The following LAS1L variants were observed in gnomAD, a reference collection of about 807,000 sequenced individuals.
LAS1L encodes ribosomal biogenesis protein LAS1L.
In LAS1L, 5 loss-of-function variants were observed where a neutral mutation model predicts 57.3. That is an observed-to-expected ratio of 0.09 (90% CI 0.05 to 0.18). LAS1L has a LOEUF of 0.18. Among genes scored for constraint, LAS1L ranks in the 10% least tolerant of loss-of-function variants. The probability of loss-of-function intolerance (pLI) is 1.00; values close to 1 mark genes in which losing one functional copy is unlikely to be tolerated. For synonymous variants in LAS1L, 245 were observed against 231.7 expected (o/e 1.06, Z -0.52); for missense variants, 360 against 568.3 (o/e 0.63, Z 3.73).
At chrX:65,529,528 C>A in intron 5 of LAS1L, 66 bp downstream of exon 5, 1 of 1,071,753 alleles carries the variant, frequency 9.3e-7, no homozygotes, top group Non-Finnish European at 1.3e-6. Flanking sequence ...GGGAAATAAA[C>A]AGCGTTAACC....
chrX:65,512,617 AAAAAC>A lies in LAS1L; in HGVS notation c.*153_*157del. 1.6e-6 allele frequency: 1 copy of A among 642,935 alleles called. No homozygotes were observed. The highest frequency in any genetic ancestry group is 2.3e-6 in the Non-Finnish European group (1 of 439,055). The allele number at this position is 642,935 out of a possible 1,213,427, so 53.0% of individuals were successfully genotyped here. On this transcript the variant is annotated 3_prime_UTR_variant, in exon 14 of 14. Transcript: ENST00000374811. ...TGTTTATTATTTTTCAAAACAAAAC[AAAAAC>A]AAAAGACATTCAAAATTCCCCTGTG...
chrX:65,526,585 G>A (rs990236601), intron 7 of LAS1L, among the ~76,000 whole-genome samples: 1 of 111,711 alleles, frequency 9.0e-6, no homozygotes, highest in Non-Finnish European at 1.9e-5. Flanking sequence ...GGGTTACTCT[G>A]CTACCTACAC....
In LAS1L at chrX:65,534,731, A is replaced by T. The variant is rs1265847250; in HGVS notation, c.-16T>A. The T allele has an allele frequency of 8.9e-7, 1 of 1,125,986 alleles. No homozygotes were observed. The highest frequency in any genetic ancestry group is 2.4e-4 in the Middle Eastern group (1 of 4,192). 92.8% of individuals were successfully genotyped at this position (1,125,986 alleles called of 1,213,427 possible). A position where few individuals can be genotyped will look rare whatever the true frequency, so the allele number is the denominator to read the frequency against. On this transcript the variant is annotated 5_prime_UTR_variant, in exon 1 of 14. Coordinates refer to ENST00000374811, the MANE Select transcript of LAS1L (RefSeq NM_031206.7). ...CCCACGACATACTGAGCTCAACAACAGGCTCTGTGCCGCGCCGCTCCGCAC... is the reference window on the plus strand; with the variant it reads ...CCCACGACATACTGAGCTCAACAACTGGCTCTGTGCCGCGCCGCTCCGCAC...
chrX:65,524,299 GGA>G (rs749847829), intron 9 of LAS1L, 37 bp from the exon 10 acceptor site: 19 of 1,059,054 alleles, frequency 1.8e-5, no homozygotes, highest in Non-Finnish European at 2.4e-5. Flanking sequence ...GGGGGCAATA[GGA>G]GAGAGAGAGC....
In LAS1L at chrX:65,512,891, G is replaced by A; in HGVS notation, c.2089C>T (p.Leu697=). ...PSTCKTDTLG[L]SCGVGSGNCS... ...TTGCCACTGCCGACACCACAGCTCA[G>A]GCCCAAGGTGCTGAGGAGAGAGTGG... The change falls in exon 14 of 14, where the codon CTG becomes TTG. Residue 697 remains leucine (L), a synonymous_variant. Coordinates refer to ENST00000374811, the MANE Select transcript of LAS1L (RefSeq NM_031206.7). 8.6e-7 allele frequency: 1 copy of A among 1,166,905 alleles called. No individual in the cohort carries two copies. Among genetic ancestry groups the A allele is most frequent in the Non-Finnish European group, 1.1e-6 (1 of 872,289 alleles).
intron 12 of LAS1L, 73 bp from the exon 13 acceptor site, chrX:65,515,046 C>T (rs1407582157): frequency 8.7e-6 from 9 of 1,037,008 alleles, no homozygotes; most frequent in Non-Finnish European, 1.3e-6. Context: ...GCCTGCTCAC[C>T]CTGTCCATCC....
In LAS1L at chrX:65,518,484, G is replaced by A. The variant is rs1404582057; in HGVS notation, c.1449-19C>T. 8.6e-7 allele frequency: 1 copy of A among 1,164,803 alleles called. No individual in the cohort carries two copies. The highest frequency in any genetic ancestry group is 1.1e-6 in the Non-Finnish European group (1 of 875,677). On this transcript the variant is annotated intron_variant, in intron 11 of 13. Coordinates refer to ENST00000374811, the MANE Select transcript of LAS1L (RefSeq NM_031206.7). ...GAAGATGCTGAGCAAAGGGAGGGAT[G>A]GGGTAGGAAAGATTCAAAATCTCAA...
intron 12 of LAS1L, among the ~76,000 whole-genome samples, chrX:65,516,636 TACACACAC>T (rs57356313): frequency 0.018 from 1,585 of 89,544 alleles, 33 homozygotes; most frequent in African/African-American, 0.055. Flanking sequence ...CTTTTTCCTA[TACACACAC>T]ACACACACAC....
chrX:65,523,932 G>A, intron 10 of LAS1L, 124 bp downstream of exon 10: 1 of 789,332 alleles, frequency 1.3e-6, no homozygotes. Flanking sequence ...GCCCTCTTGG[G>A]CAAACCTAAA....
chrX:65,517,062 C>T (rs141595209), intron 12 of LAS1L, among the ~76,000 whole-genome samples: 2 of 110,550 alleles, frequency 1.8e-5, no homozygotes, highest in African/African-American at 6.6e-5. Context: ...TGTTCATTAA[C>T]CTAAGCAAGG....
Position 65,529,658 on chromosome X carries a change from G to C in LAS1L, c.735C>G (p.Asp245Glu), listed in dbSNP as rs1243229256. 1 of 1,211,463 alleles carries C rather than the reference G, an allele frequency of 8.3e-7. No homozygotes were observed. Among genetic ancestry groups the C allele is most frequent in the Non-Finnish European group, 1.1e-6 (1 of 895,408 alleles). Residue 245 changes from aspartate to glutamate, a missense_variant, in exon 5 of 14, where the codon GAC becomes GAG. Transcript: ENST00000374811. Reference protein sequence around the residue: ...STESDVKADGDSKGSEEVDSH... With the variant: ...STESDVKADGESKGSEEVDSH... ...AATCCACCTCTTCGCTGCCTTTGCT[G>C]TCTCCATCGGCCTTTACATCTGACT...
chrX:65,533,767 G>A lies in LAS1L; in HGVS notation c.237-32C>T, dbSNP rs2069628134. The stretch of plus-strand genomic sequence containing the variant: ...GGTCACAGTCCAGCACCATCATAAA[G>A]AGCCCTTACACTGGTCCACCCTCCA... On this transcript the variant is annotated intron_variant, in intron 1 of 13. Coordinates refer to ENST00000374811, the MANE Select transcript of LAS1L (RefSeq NM_031206.7). 2.5e-6 allele frequency: 3 copies of A among 1,205,515 alleles called. No homozygotes were observed. In the East Asian group the frequency reaches 8.9e-5, roughly 36 times the overall value.
Position 65,524,954 on chromosome X carries a change from C to A in LAS1L, c.1042+11G>T, listed in dbSNP as rs1243724661. 15 of 1,199,346 alleles carry A rather than the reference C, an allele frequency of 1.3e-5. No individual in the cohort carries two copies. The highest frequency in any genetic ancestry group is 1.7e-5 in the Non-Finnish European group (15 of 885,658). On this transcript the variant is annotated intron_variant, in intron 8 of 13. Coordinates refer to ENST00000374811, the MANE Select transcript of LAS1L (RefSeq NM_031206.7). ...GAACCCTAAGGGTGCAGTGAGCCCCCAGAACCCTACCTTCATATTCTATCT... is the reference window on the plus strand; with the variant it reads ...GAACCCTAAGGGTGCAGTGAGCCCCAAGAACCCTACCTTCATATTCTATCT...
At position 65,525,426 on chromosome X, in the gene LAS1L, G is replaced by A. The variant is rs149430588; in HGVS notation, c.957-376C>T. 1.4e-4 allele frequency among the ~76,000 whole-genome samples: 16 copies of A among 111,605 alleles called. No individual in the cohort carries two copies. In the East Asian group the frequency reaches 4.0e-3, roughly 28 times the overall value. On this transcript the variant is annotated intron_variant, in intron 7 of 13. Coordinates refer to ENST00000374811, the MANE Select transcript of LAS1L (RefSeq NM_031206.7). The stretch of plus-strand genomic sequence containing the variant: ...GGGATCATGGGGTCAAGGGCTTTTA[G>A]ACTCAGTTCTTGCAGTCTGTTTATC...
rs1327995923 is a variant in LAS1L at position 65,533,727 on chromosome X, T to A, written c.245A>T (p.Asn82Ile). The change falls in exon 2 of 14, where the codon AAC becomes ATC. Residue 82 changes from asparagine (N) to isoleucine (I), a missense_variant. Physicochemically the swap from Asn to Ile is moderately radical, Grantham distance 149. Coordinates refer to ENST00000374811, the MANE Select transcript of LAS1L (RefSeq NM_031206.7). Reference protein sequence around the residue: ...RITVWRSRSGNELPLAVASTA... With the variant: ...RITVWRSRSGIELPLAVASTA... ...AGAAGCCACTGCCAGAGGGAGTTCGTTGCCTGACCTAAAGGGTCACAGTCC... is the reference window on the plus strand; with the variant it reads ...AGAAGCCACTGCCAGAGGGAGTTCGATGCCTGACCTAAAGGGTCACAGTCC... 8.3e-7 allele frequency: 1 copy of A among 1,209,418 alleles called. No homozygotes were observed. The highest frequency in any genetic ancestry group is 2.2e-5 in the Admixed American group (1 of 45,741).
chrX:65,524,179 T>C lies in LAS1L; in HGVS notation c.1177A>G (p.Asn393Asp). ...QPLLRGLHSQ[N>D]FTQALLERML... ...CTCTCCAATAGGGCCTGCGTGAAGTTCTGGGAGTGCAGGCCCCTGAGCAGG... is the reference window on the plus strand; with the variant it reads ...CTCTCCAATAGGGCCTGCGTGAAGTCCTGGGAGTGCAGGCCCCTGAGCAGG... The change falls in exon 10 of 14, where the codon AAC (asparagine) becomes GAC (aspartate). Residue 393 changes from asparagine (N) to aspartate (D), a missense_variant. Coordinates refer to ENST00000374811, the MANE Select transcript of LAS1L (RefSeq NM_031206.7). 8.3e-7 allele frequency: 1 copy of C among 1,210,535 alleles called. No individual in the cohort carries two copies. The highest frequency in any genetic ancestry group is 1.1e-6 in the Non-Finnish European group (1 of 894,571).
intron 2 of LAS1L, 67 bp downstream of exon 2, chrX:65,533,543 T>C (rs2069609689): frequency 8.8e-7 from 1 of 1,140,463 alleles, no homozygotes; most frequent in African/African-American, 1.8e-5. Context: ...AAGTTTTGCT[T>C]ATCACATGCC....
chrX:65,521,567 G>A (rs2068850255), intron 11 of LAS1L: 1 of 112,251 alleles, frequency 8.9e-6, no homozygotes, highest in African/African-American at 3.3e-5. Flanking sequence ...CTTTAGAGTT[G>A]AGATGGGGAC....
Position 65,534,760 on chromosome X carries a change from C to G in LAS1L, c.-45G>C. ...TCTGTGCCGCGCCGCTCCGCACAGC[C>G]TTCAGCTCAGCGTGCTACCCTCACT... is the stretch of plus-strand genomic sequence containing the variant. On this transcript the variant is annotated 5_prime_UTR_variant, in exon 1 of 14. Coordinates refer to ENST00000374811, the MANE Select transcript of LAS1L (RefSeq NM_031206.7). 9.6e-7 allele frequency: 1 copy of G among 1,046,458 alleles called. No homozygotes were observed. Among genetic ancestry groups the G allele is most frequent in the Non-Finnish European group, 1.3e-6 (1 of 767,975 alleles). The allele number at this position is 1,046,458 out of a possible 1,213,427, so 86.2% of individuals were successfully genotyped here.
Sources: gnomAD v4.1 joint callset for allele counts (sites outside exome capture counted in the v4.1 genomes callset) on GRCh38, gnomAD v4.1.1 for gene constraint, MANE v1.5 for transcripts, NCBI Gene and HGNC (gene_info 2026-07-23, HGNC 2026-07-21) for gene names.